Variants in IQGAP2 observed in about 807,000 individuals in gnomAD.
The protein encoded by IQGAP2 is ras GTPase-activating-like protein IQGAP2.
Under a neutral mutation model 201.3 loss-of-function variants are expected in IQGAP2, and 173 were observed. That is an observed-to-expected ratio of 0.86 (90% confidence interval 0.76 to 0.98). The LOEUF (loss-of-function observed/expected upper bound fraction) is 0.98. IQGAP2 is among the 50% of genes least tolerant of loss of function. The probability of loss-of-function intolerance (pLI) is 0.00; values close to 1 mark genes in which losing one functional copy is unlikely to be tolerated. For synonymous variants in IQGAP2, 675 were observed against 673.9 expected, an observed-to-expected ratio of 1.00 and a Z score of -0.03; for missense variants, 1,687 against 1,864.8, an observed-to-expected ratio of 0.90 and a Z score of 1.76.
At chr5:76,404,699 G>A (rs1561346660) in intron 1 of IQGAP2, among the ~76,000 whole-genome samples, 1 of 152,210 alleles carries the variant, frequency 6.6e-6, no homozygotes. Context: ...AAAGATGGGA[G>A]GTTATCTTTC....
intron 23 of IQGAP2, 124 bp downstream of exon 23, chr5:76,668,968 T>C: frequency 1.7e-6 from 1 of 578,788 alleles, no homozygotes; most frequent in Non-Finnish European, 2.8e-6. Context: ...TTAAAATATA[T>C]CAAGTTTCTT....
chr5:76,567,336 G>T lies in IQGAP2; in HGVS notation c.304-3244G>T, dbSNP rs1744821704. 2.0e-5 allele frequency among the ~76,000 whole-genome samples: 3 copies of T among 152,200 alleles called. No individual in the cohort carries two copies. The South Asian group carries it at 6.2e-4, about 31-fold the overall frequency. ...GAGCATTTCGGATTTCGGATTTTGG[G>T]ATTAGGGATGCTTAGTCAGTATGTC... On this transcript the variant is annotated intron_variant, in intron 3 of 35. Transcript: ENST00000274364.
intron 17 of IQGAP2, among the ~76,000 whole-genome samples, chr5:76,651,885 T>C (rs1278936766): frequency 6.6e-6 from 1 of 152,178 alleles, no homozygotes; most frequent in African/African-American, 2.4e-5. Context: ...CAAAATTTCA[T>C]TTACCCTTTT....
chr5:76,707,217 A>G lies in IQGAP2; in HGVS notation c.4632A>G (p.Gln1544=). 5 of 1,475,800 alleles carry G rather than the reference A, an allele frequency of 3.4e-6. No homozygotes were observed. The highest frequency in any genetic ancestry group is 4.7e-6 in the Non-Finnish European group (5 of 1,054,462). The allele number at this position is 1,475,800 out of a possible 1,614,324, so 91.4% of individuals were successfully genotyped here. A position where few individuals can be genotyped will look rare whatever the true frequency, so the allele number is the denominator to read the frequency against. Residue 1544 remains glutamine (Q), a synonymous_variant, in exon 36 of 36, where the codon CAA becomes CAG. Transcript: ENST00000274364. ...AATTTCAGGATTTACTTCAGATGCAATATGAAGGAGTAGCTGTAATGAAAA... is the reference window on the plus strand; with the variant it reads ...AATTTCAGGATTTACTTCAGATGCAGTATGAAGGAGTAGCTGTAATGAAAA... The part of the protein sequence containing the change: ...QLNIQDLLQM[Q]YEGVAVMKMF...
intron 3 of IQGAP2, among the ~76,000 whole-genome samples, chr5:76,563,742 A>G (rs755722872): frequency 1.3e-5 from 2 of 152,020 alleles, no homozygotes; most frequent in African/African-American, 2.4e-5. Context: ...TCTTTATATC[A>G]ATATTTTTTA....
chr5:76,529,642 AATAATAATAAT>A (rs1759169821), intron 2 of IQGAP2, among the ~76,000 whole-genome samples: 1 of 48,302 alleles, frequency 2.1e-5, no homozygotes, highest in Admixed American at 1.7e-4. Flanking sequence ...TAATAATAAT[AATAATAATAAT>A]AATAATAATA....
chr5:76,626,629 C>G (rs527621368), intron 13 of IQGAP2, among the ~76,000 whole-genome samples: 35 of 152,058 alleles, frequency 2.3e-4, no homozygotes, highest in African/African-American at 8.2e-4. Flanking sequence ...GGACAATCAC[C>G]ATGTTGTTGT....
chr5:76,666,418 C>CTT (rs1743761658), intron 22 of IQGAP2, among the ~76,000 whole-genome samples: 1 of 152,142 alleles, frequency 6.6e-6, no homozygotes, highest in African/African-American at 2.4e-5. Flanking sequence ...ATTGAAGATT[C>CTT]TTTAGAATTT....
intron 2 of IQGAP2, among the ~76,000 whole-genome samples, chr5:76,554,018 T>G (rs1406298928): frequency 6.6e-6 from 1 of 152,194 alleles, no homozygotes; most frequent in Admixed American, 6.5e-5. Flanking sequence ...CATAGACATA[T>G]AGATTGGACT....
chr5:76,443,164 G>A (rs1221690376), intron 1 of IQGAP2, among the ~76,000 whole-genome samples: 2 of 152,190 alleles, frequency 1.3e-5, no homozygotes, highest in African/African-American at 4.8e-5. Context: ...CCTACAGAGA[G>A]TGACATGTCA....
chr5:76,573,252 G>A (rs901799442), intron 4 of IQGAP2, among the ~76,000 whole-genome samples: 5 of 152,230 alleles, frequency 3.3e-5, no homozygotes, highest in Admixed American at 6.5e-5. Flanking sequence ...CAAACAAGTG[G>A]TGTTATAGAG....
chr5:76,653,320 G>A (rs1052909159), intron 18 of IQGAP2, among the ~76,000 whole-genome samples: 1 of 152,170 alleles, frequency 6.6e-6, no homozygotes, highest in Non-Finnish European at 1.5e-5. Context: ...GTACTGTGAT[G>A]TCCACTCTCA....
intron 2 of IQGAP2, among the ~76,000 whole-genome samples, chr5:76,544,678 TTAAG>T (rs917793492): frequency 6.6e-6 from 1 of 152,196 alleles, no homozygotes; most frequent in African/African-American, 2.4e-5. Flanking sequence ...GGTTGCTTAA[TTAAG>T]TGCTTTAATT....
chr5:76,623,766 A>G (rs1351770912), intron 13 of IQGAP2, among the ~76,000 whole-genome samples: 2 of 152,196 alleles, frequency 1.3e-5, no homozygotes, highest in African/African-American at 4.8e-5. Flanking sequence ...ATAATTATAA[A>G]TTAATCATGG....
At chr5:76,608,924 TA>T (rs1293026460) in intron 12 of IQGAP2, 10 of 574,186 alleles carry the variant, frequency 1.7e-5, no homozygotes, top group African/African-American at 3.8e-5. Flanking sequence ...ACTAGAATGT[TA>T]TAGTAACATG....
intron 2 of IQGAP2, among the ~76,000 whole-genome samples, chr5:76,508,120 C>T (rs1757723103): frequency 6.6e-6 from 1 of 150,994 alleles, no homozygotes; most frequent in South Asian, 2.1e-4. Context: ...CACTTGAGGT[C>T]AGGAGTTCAA....
intron 2 of IQGAP2, among the ~76,000 whole-genome samples, chr5:76,500,189 C>A (rs1053805579): frequency 3.3e-5 from 5 of 152,166 alleles, no homozygotes; most frequent in Non-Finnish European, 7.3e-5. Flanking sequence ...TTACTTTCTT[C>A]TGTTGCATGC....
chr5:76,580,943 A>G (rs1554070920), intron 5 of IQGAP2, among the ~76,000 whole-genome samples: 1 of 152,212 alleles, frequency 6.6e-6, no homozygotes, highest in Non-Finnish European at 1.5e-5. Flanking sequence ...TCATTTGACC[A>G]TTGAGATTCT....
intron 2 of IQGAP2, among the ~76,000 whole-genome samples, chr5:76,517,398 T>C (rs1249507410): frequency 6.6e-6 from 1 of 152,136 alleles, no homozygotes; most frequent in Non-Finnish European, 1.5e-5. Flanking sequence ...ATCATACAGA[T>C]TCATGCAAAT....
Sources: allele counts gnomAD v4.1 joint callset (sites outside exome capture counted in the v4.1 genomes callset), GRCh38; gene constraint gnomAD v4.1.1; transcripts MANE v1.5; gene names NCBI Gene and HGNC (gene_info 2026-07-23, HGNC 2026-07-21).